ZKSCAN1: variants seen among roughly 807,000 people sequenced by gnomAD.
ZKSCAN1 encodes the protein zinc finger with KRAB and SCAN domains 1, also known as zinc finger protein with KRAB and SCAN domains 1.
ZKSCAN1 carries 14 observed loss-of-function variants against 51.6 expected under a neutral mutation model. The ratio of observed to expected loss-of-function variants is 0.27; its 90% confidence interval spans 0.18 to 0.42. The LOEUF (loss-of-function observed/expected upper bound fraction) is 0.42. Among genes scored for constraint, ZKSCAN1 ranks in the 10% least tolerant of loss-of-function variants. The pLI is 1.00. For missense variants in ZKSCAN1, 531 were observed against 710.0 expected, an observed-to-expected ratio of 0.75 and a Z score of 2.86; for synonymous variants, 263 against 261.5, an observed-to-expected ratio of 1.01 and a Z score of -0.06.
intron 1 of ZKSCAN1, among the ~76,000 whole-genome samples, chr7:100,016,582 C>A (rs1482061841): frequency 1.3e-5 from 2 of 152,166 alleles, no homozygotes; most frequent in Non-Finnish European, 1.5e-5. Flanking sequence ...TCAAAAGGCC[C>A]TTCCGACTTC....
In ZKSCAN1 at chr7:100,039,376, T is replaced by A. The variant is rs1791500587; in HGVS notation, c.*5179T>A. Reference sequence around the variant, plus strand: ...ATAGGAGAACAGCAAGGTGGGCATTTCCCGGAATTGTGTGCAGATGCATCC... The same window carrying A: ...ATAGGAGAACAGCAAGGTGGGCATTACCCGGAATTGTGTGCAGATGCATCC... On this transcript the variant is annotated 3_prime_UTR_variant, in exon 6 of 6. Coordinates refer to ENST00000324306, the MANE Select transcript of ZKSCAN1 (RefSeq NM_003439.4). 4 of 985,228 alleles carry A rather than the reference T, an allele frequency of 4.1e-6. No homozygotes were observed. The African/African-American group carries it at 5.2e-5, about 13-fold the overall frequency. The allele number at this position is 985,228 out of a possible 1,614,324, so 61.0% of individuals were successfully genotyped here.
At position 100,037,692 on chromosome 7, in the gene ZKSCAN1, A is replaced by G. The variant is rs567470476; in HGVS notation, c.*3495A>G. 1.1e-4 allele frequency: 113 copies of G among 985,470 alleles called. No individual in the cohort carries two copies. The highest frequency in any genetic ancestry group is 8.7e-4 in the African/African-American group (50 of 57,374). 61.0% of individuals were successfully genotyped at this position (985,470 alleles called of 1,614,324 possible). On this transcript the variant is annotated 3_prime_UTR_variant, in exon 6 of 6. Transcript: ENST00000324306. ...AAATGAATTCCGTCGGTATGTTCCA[A>G]TCGTGATGAATTTGAGAAACATTGC... is the stretch of plus-strand genomic sequence containing the variant.
downstream of ZKSCAN1, among the ~76,000 whole-genome samples, chr7:100,045,178 A>G (rs527891808): frequency 6.6e-6 from 1 of 152,300 alleles, no homozygotes; most frequent in East Asian, 1.9e-4. Flanking sequence ...AGGCTGAGGC[A>G]GGAGGATTGC....
At chr7:100,024,377 C>T (rs147067150) in intron 3 of ZKSCAN1, 70 bp downstream of exon 3, 183 of 1,555,644 alleles carry the variant, frequency 1.2e-4, no homozygotes, top group Admixed American at 4.5e-4. Context: ...TGCTGAGTGC[C>T]TGTGATGAAG....
chr7:100,020,810 C>T (rs1790556520), intron 1 of ZKSCAN1, among the ~76,000 whole-genome samples: 1 of 152,124 alleles, frequency 6.6e-6, no homozygotes, highest in Non-Finnish European at 1.5e-5. Context: ...GTTTAATGGT[C>T]TGTTTCTAAA....
chr7:100,028,807 A>C (rs975447589), intron 3 of ZKSCAN1, among the ~76,000 whole-genome samples: 1 of 151,782 alleles, frequency 6.6e-6, no homozygotes, highest in African/African-American at 2.4e-5. Context: ...AAAAAAAAAA[A>C]AAAAACAGTA....
rs1357258635 is a variant in ZKSCAN1 at position 100,033,909 on chromosome 7, G to A, written c.1404G>A (p.Lys468=). Residue 468 remains lysine (K), a synonymous_variant, in exon 6 of 6, where the codon AAG becomes AAA. Transcript: ENST00000324306. This position sits in a 1 kb window ranked among gnomAD's most constrained non-coding sequence, Gnocchi z 4.1. Reference sequence around the variant, plus strand: ...CTTATGAATGTAATGAGTGCGGGAAGGCCTTCAGCCAGAGCTCGGACCTCA... The same window carrying A: ...CTTATGAATGTAATGAGTGCGGGAAAGCCTTCAGCCAGAGCTCGGACCTCA... The part of the protein sequence containing the change: ...EKPYECNECG[K]AFSQSSDLTK... 3.1e-6 allele frequency: 5 copies of A among 1,614,032 alleles called. No individual in the cohort carries two copies. Among genetic ancestry groups the A allele is most frequent in the Non-Finnish European group, 3.4e-6 (4 of 1,180,042 alleles).
At chr7:100,021,108 T>C (rs917961285) in intron 1 of ZKSCAN1, among the ~76,000 whole-genome samples, 1 of 140,144 alleles carries the variant, frequency 7.1e-6, no homozygotes, top group Admixed American at 8.0e-5. Flanking sequence ...AAGTTTCTTT[T>C]TTTTTTCCTT....
Position 100,034,155 on chromosome 7 carries a change from C to G in ZKSCAN1, c.1650C>G (p.Ala550=). ...AGAGAGCCTCTGAGTACAGCCCAGC[C>G]TCCCTTGATGCATTTGGCGCGTTCC... The part of the protein sequence containing the change: ...ARERASEYSP[A]SLDAFGAFLK... The change falls in exon 6 of 6, where the codon GCC becomes GCG. Residue 550 remains alanine, a synonymous_variant. Coordinates refer to ENST00000324306, the MANE Select transcript of ZKSCAN1 (RefSeq NM_003439.4). The G allele has an allele frequency of 1.3e-6, 2 of 1,548,704 alleles. No homozygotes were observed. Among genetic ancestry groups the G allele is most frequent in the Non-Finnish European group, 1.7e-6 (2 of 1,154,314 alleles).
intron 1 of ZKSCAN1, among the ~76,000 whole-genome samples, chr7:100,019,620 C>A (rs1030986921): frequency 3.9e-5 from 6 of 152,152 alleles, no homozygotes; most frequent in African/African-American, 1.4e-4. Context: ...ATTGGGGAAT[C>A]ACTTTTATTT....
chr7:100,023,469 C>A lies in ZKSCAN1; in HGVS notation c.-38C>A. The A allele has an allele frequency of 1.3e-5, 21 of 1,575,128 alleles. No individual in the cohort carries two copies. Among genetic ancestry groups the A allele is most frequent in the Non-Finnish European group, 1.8e-5 (21 of 1,162,710 alleles). On this transcript the variant is annotated 5_prime_UTR_variant, in exon 2 of 6. Transcript: ENST00000324306. ...ACCTCCCAGGACATAAAGGTGAGCA[C>A]AGACCCTGTTTGGATCAAGTCAGTT...
At chr7:100,032,027 T>C (rs2115925311) in intron 5 of ZKSCAN1, among the ~76,000 whole-genome samples, 1 of 152,294 alleles carries the variant, frequency 6.6e-6, no homozygotes, top group East Asian at 1.9e-4. Context: ...TGCAGTGAGC[T>C]GTGCTCATGC....
At chr7:100,017,101 C>T (rs1282920356) in intron 1 of ZKSCAN1, among the ~76,000 whole-genome samples, 1 of 151,986 alleles carries the variant, frequency 6.6e-6, no homozygotes, top group Non-Finnish European at 1.5e-5. Flanking sequence ...CATTTTCATT[C>T]TGTGGGAGTA....
In ZKSCAN1 at chr7:100,037,943, CTGCG is replaced by C. The variant is rs947403495; in HGVS notation, c.*3747_*3750del. Reference sequence around the variant, plus strand: ...GCTGAGGCAGGAGAATGGCTTGAACCTGCGAGGCGGAGGTTGCAGTGAGCTAAGA... The same window carrying C: ...GCTGAGGCAGGAGAATGGCTTGAACCAGGCGGAGGTTGCAGTGAGCTAAGA... On this transcript the variant is annotated 3_prime_UTR_variant, in exon 6 of 6. Coordinates refer to ENST00000324306, the MANE Select transcript of ZKSCAN1 (RefSeq NM_003439.4). The C allele has an allele frequency of 1.1e-6, 1 of 878,342 alleles. No individual in the cohort carries two copies. Among genetic ancestry groups the C allele is most frequent in the African/African-American group, 1.8e-5 (1 of 54,856 alleles). 54.4% of individuals were successfully genotyped at this position (878,342 alleles called of 1,614,324 possible).
At chr7:100,042,762 A>G (rs528075180), downstream of ZKSCAN1, among the ~76,000 whole-genome samples, 14 of 100,394 alleles carry the variant, frequency 1.4e-4, no homozygotes, top group South Asian at 2.7e-3. Flanking sequence ...GTGTGTGTGT[A>G]TACGAATACA....
chr7:100,025,980 G>A (rs1790817140), intron 3 of ZKSCAN1, among the ~76,000 whole-genome samples: 1 of 152,048 alleles, frequency 6.6e-6, no homozygotes, highest in Non-Finnish European at 1.5e-5. Flanking sequence ...CAGCACTTTA[G>A]GAGGCCAAGG....
downstream of ZKSCAN1, chr7:100,044,988 T>C: frequency 1.0e-6 from 1 of 985,168 alleles, no homozygotes; most frequent in Non-Finnish European, 1.2e-6. Context: ...AAATGCACCT[T>C]TTTAGAGAGA....
intron 1 of ZKSCAN1, among the ~76,000 whole-genome samples, chr7:100,020,682 G>A (rs948579352): frequency 6.6e-6 from 1 of 152,112 alleles, no homozygotes; most frequent in African/African-American, 2.4e-5. Flanking sequence ...TAATTTTTGT[G>A]CTGTTATATG....
At chr7:100,016,298 T>C (rs1584322161) in intron 1 of ZKSCAN1, among the ~76,000 whole-genome samples, 2 of 152,166 alleles carry the variant, frequency 1.3e-5, no homozygotes, top group East Asian at 3.9e-4. Flanking sequence ...AGTGGATAAA[T>C]AGGTGATTGG....
Sources: gnomAD v4.1 joint callset for allele counts (sites outside exome capture counted in the v4.1 genomes callset) on GRCh38, gnomAD v4.1.1 for gene constraint, Gnocchi (gnomAD v3.1) non-coding constraint, MANE v1.5 for transcripts, NCBI Gene and HGNC (gene_info 2026-07-23, HGNC 2026-07-21) for gene names.